LRRC8C: variants seen among roughly 807,000 people sequenced by gnomAD.
The protein encoded by LRRC8C is volume-regulated anion channel subunit LRRC8C.
A neutral mutation model predicts 55.3 loss-of-function variants in LRRC8C; 20 were observed. The observed-to-expected ratio is 0.36, with a 90% CI of 0.25 to 0.53. LRRC8C has a LOEUF of 0.53. Among genes scored for constraint, LRRC8C ranks in the 20% least tolerant of loss-of-function variants. The pLI is 0.92. For missense variants in LRRC8C, 659 were observed against 951.4 expected (o/e 0.69, Z 4.04); for synonymous variants, 376 against 360.7 (o/e 1.04, Z -0.48).
At chr1:89,645,958 C>CAGATAGATAGATAGAGAGATAGAT (rs1553164180) in intron 1 of LRRC8C, among the ~76,000 whole-genome samples, 3 of 150,310 alleles carry the variant, frequency 2.0e-5, no homozygotes, top group Middle Eastern at 6.8e-3. Flanking sequence ...GGAAGATGAT[C>CAGATAGATAGATAGAGAGATAGAT]AGATAGATAG....
chr1:89,682,925 A>G (rs1438488745), intron 1 of LRRC8C, among the ~76,000 whole-genome samples: 1 of 152,232 alleles, frequency 6.6e-6, no homozygotes, highest in Non-Finnish European at 1.5e-5. Context: ...TTACTTGAAT[A>G]AAACAACTGA....
intron 1 of LRRC8C, among the ~76,000 whole-genome samples, chr1:89,663,756 C>T (rs995534106): frequency 2.0e-5 from 3 of 152,064 alleles, no homozygotes; most frequent in Non-Finnish European, 2.9e-5. Flanking sequence ...AGTGTAAAAG[C>T]GTTCCTGTTT....
At chr1:89,684,511 G>A (rs1006819177) in intron 1 of LRRC8C, among the ~76,000 whole-genome samples, 45 of 152,308 alleles carry the variant, frequency 3.0e-4, no homozygotes, top group African/African-American at 1.0e-3. Flanking sequence ...TAATGGGGAT[G>A]CAAAATAGAG....
upstream of LRRC8C, among the ~76,000 whole-genome samples, chr1:89,628,931 G>T (rs1045652401): frequency 3.3e-5 from 5 of 152,186 alleles, no homozygotes; most frequent in African/African-American, 9.6e-5. Context: ...AGAGACAGGA[G>T]GGCAGGAGAA....
In LRRC8C at chr1:89,693,251, C is replaced by T. The variant is rs142829205; in HGVS notation, c.138+6640C>T. Among the ~76,000 whole-genome samples the T allele has an allele frequency of 1.1e-4, 16 of 152,284 alleles. No homozygotes were observed. In the East Asian group the frequency reaches 3.1e-3, roughly 29 times the overall value. The stretch of plus-strand genomic sequence containing the variant: ...TCCCCGCTTTGATTTTTAGGGCATA[C>T]TGAAATTAATTTCTACTTCTCTGAT... On this transcript the variant is annotated intron_variant, in intron 2 of 2. Transcript: ENST00000370454.
At chr1:89,669,664 G>A (rs551088641) in intron 1 of LRRC8C, among the ~76,000 whole-genome samples, 1 of 152,262 alleles carries the variant, frequency 6.6e-6, no homozygotes, top group Non-Finnish European at 1.5e-5. Flanking sequence ...GATTAAGTAA[G>A]TTTCTTGTGG....
chr1:89,703,320 C>T (rs1376749603), intron 2 of LRRC8C, among the ~76,000 whole-genome samples: 2 of 152,024 alleles, frequency 1.3e-5, no homozygotes, highest in African/African-American at 4.8e-5. Flanking sequence ...ACTATCAAAA[C>T]AGAATTGTAT....
At chr1:89,711,763 G>C (rs1293290304) in intron 2 of LRRC8C, among the ~76,000 whole-genome samples, 2 of 152,150 alleles carry the variant, frequency 1.3e-5, no homozygotes, top group Non-Finnish European at 2.9e-5. Context: ...GAAGGATGGT[G>C]GTTCTCAATG....
the LRRC8C span, among the ~76,000 whole-genome samples, chr1:89,621,664 T>C: frequency 1.3e-5 from 2 of 152,194 alleles, no homozygotes; most frequent in Non-Finnish European, 1.5e-5. Context: ...CTGGCAGTAA[T>C]AGTCTTTATA....
intron 1 of LRRC8C, among the ~76,000 whole-genome samples, chr1:89,634,885 A>T (rs1307543902): frequency 1.3e-5 from 2 of 152,080 alleles, no homozygotes; most frequent in African/African-American, 4.8e-5. Context: ...TTTGAGGGGG[A>T]TGTAGGGCAG....
At chr1:89,688,573 G>A (rs1259884250) in intron 2 of LRRC8C, among the ~76,000 whole-genome samples, 3 of 152,192 alleles carry the variant, frequency 2.0e-5, no homozygotes, top group Admixed American at 1.3e-4. Context: ...CCAGGAGCAG[G>A]CCAGGCAGAT....
At chr1:89,633,515 A>G (rs965359803) in intron 1 of LRRC8C, among the ~76,000 whole-genome samples, 193 bp downstream of exon 1, 4 of 152,178 alleles carry the variant, frequency 2.6e-5, no homozygotes, top group Non-Finnish European at 5.9e-5. Flanking sequence ...ACTGCGGCTC[A>G]GGAGCCCGCC....
upstream of LRRC8C, chr1:89,632,521 C>T (rs1656134940): frequency 6.6e-6 from 1 of 152,586 alleles, no homozygotes; most frequent in Admixed American, 6.5e-5. Flanking sequence ...TCATTCTATC[C>T]CACCGTCCCC....
intron 1 of LRRC8C, among the ~76,000 whole-genome samples, chr1:89,685,055 A>ATC (rs1342902477): frequency 9.9e-5 from 15 of 151,896 alleles, no homozygotes; most frequent in Non-Finnish European, 2.2e-4. Flanking sequence ...CTGTAATCAA[A>ATC]GAAGAGGCTT....
chr1:89,709,750 TG>T (rs112846677), intron 2 of LRRC8C, among the ~76,000 whole-genome samples: 47,155 of 104,874 alleles, frequency 0.45, 7,932 homozygotes, highest in East Asian at 0.64. Flanking sequence ...GGTTTTTTTT[TG>T]TTTGTTTTTT....
At chr1:89,699,644 T>C (rs1197621920) in intron 2 of LRRC8C, among the ~76,000 whole-genome samples, 1 of 152,244 alleles carries the variant, frequency 6.6e-6, no homozygotes, top group East Asian at 1.9e-4. Context: ...TTTCCATTTC[T>C]GTTGGAGACA....
At chr1:89,643,693 T>C (rs1292423879) in intron 1 of LRRC8C, among the ~76,000 whole-genome samples, 1 of 152,260 alleles carries the variant, frequency 6.6e-6, no homozygotes, top group Non-Finnish European at 1.5e-5. Flanking sequence ...CTCCTGGGTA[T>C]TCACTAGTTT....
At chr1:89,628,414 G>A (rs1656027167), upstream of LRRC8C, among the ~76,000 whole-genome samples, 1 of 152,128 alleles carries the variant, frequency 6.6e-6, no homozygotes, top group South Asian at 2.1e-4. Context: ...TTTTGATTTA[G>A]GGTCTCACTC....
chr1:89,708,380 T>A (rs1658548225), intron 2 of LRRC8C: 1 of 152,196 alleles, frequency 6.6e-6, no homozygotes, highest in Non-Finnish European at 1.5e-5. Context: ...CTTTTGAGAT[T>A]TGTTTTGCAG....
Sources: gnomAD v4.1 joint callset for allele counts (sites outside exome capture counted in the v4.1 genomes callset) on GRCh38, gnomAD v4.1.1 for gene constraint, MANE v1.5 for transcripts, NCBI Gene and HGNC (gene_info 2026-07-23, HGNC 2026-07-21) for gene names.